Variants in PCDH15 observed in about 807,000 individuals in gnomAD.
The protein encoded by PCDH15 is protocadherin-15.
Under a neutral mutation model 178.5 loss-of-function variants are expected in PCDH15, and 129 were observed. The observed-to-expected ratio is 0.72, with a 90% CI of 0.63 to 0.84. The LOEUF (loss-of-function observed/expected upper bound fraction) is 0.84. PCDH15 is among the 40% of genes least tolerant of loss of function. The pLI is 0.00. For missense variants in PCDH15, 2,230 were observed against 2,099.9 expected (o/e 1.06, Z -1.21); for synonymous variants, 800 against 732.0 (o/e 1.09, Z -1.50).
At chr10:55,557,155 T>C (rs535848199) in intron 2 of PCDH15, among the ~76,000 whole-genome samples, 1 of 152,254 alleles carries the variant, frequency 6.6e-6, no homozygotes, top group South Asian at 2.1e-4. Flanking sequence ...TCTGCAATAT[T>C]TAGCACTAAA....
intron 2 of PCDH15, among the ~76,000 whole-genome samples, chr10:55,040,197 A>C (rs2131975963): frequency 6.6e-6 from 1 of 152,290 alleles, no homozygotes; most frequent in South Asian, 2.1e-4. Flanking sequence ...TTGTGCTCTT[A>C]AAAGCCAATA....
chr10:55,121,734 T>G (rs1264851337), intron 2 of PCDH15, among the ~76,000 whole-genome samples: 1 of 152,056 alleles, frequency 6.6e-6, no homozygotes, highest in Non-Finnish European at 1.5e-5. Context: ...CTTTTACCCT[T>G]CTGTCCTTTT....
intron 2 of PCDH15, among the ~76,000 whole-genome samples, chr10:54,967,928 T>G (rs571121417): frequency 2.6e-5 from 4 of 152,136 alleles, no homozygotes; most frequent in African/African-American, 4.8e-5. Context: ...AGTGTCCTCA[T>G]AGAACACAAC....
At chr10:53,997,123 C>T (rs1315812365) in intron 20 of PCDH15, among the ~76,000 whole-genome samples, 2 of 152,072 alleles carry the variant, frequency 1.3e-5, no homozygotes, top group East Asian at 1.9e-4. Flanking sequence ...AATAGGAGAA[C>T]TTGAACTGTA....
intron 7 of PCDH15, among the ~76,000 whole-genome samples, chr10:54,321,530 C>T (rs1432577070): frequency 6.6e-6 from 1 of 151,682 alleles, no homozygotes; most frequent in Non-Finnish European, 1.5e-5. Context: ...AATATTTCTA[C>T]CCTTCCATGT....
intron 3 of PCDH15, among the ~76,000 whole-genome samples, chr10:54,848,428 G>A (rs1011343551): frequency 2.0e-5 from 3 of 150,054 alleles, no homozygotes; most frequent in East Asian, 2.0e-4. Flanking sequence ...CAGTTATTAC[G>A]GGCATAGAAC....
chr10:53,853,315 C>T (rs901556056), intron 28 of PCDH15, among the ~76,000 whole-genome samples: 1 of 151,682 alleles, frequency 6.6e-6, no homozygotes, highest in African/African-American at 2.4e-5. Flanking sequence ...CCATAAAATG[C>T]CTAGAATAAA....
intron 13 of PCDH15, among the ~76,000 whole-genome samples, chr10:54,180,564 G>A (rs1424647306): frequency 6.6e-6 from 1 of 152,150 alleles, no homozygotes; most frequent in Non-Finnish European, 1.5e-5. Context: ...TGTATCCTGT[G>A]TCAGGTCAAT....
chr10:54,998,510 GA>G (rs1839707316), intron 2 of PCDH15, among the ~76,000 whole-genome samples: 1 of 151,860 alleles, frequency 6.6e-6, no homozygotes, highest in Non-Finnish European at 1.5e-5. Context: ...AAAAAAAATT[GA>G]AAATGTTTAG....
intron 2 of PCDH15, among the ~76,000 whole-genome samples, chr10:55,425,258 T>A (rs2132050156): frequency 6.6e-6 from 1 of 152,118 alleles, no homozygotes; most frequent in South Asian, 2.1e-4. Flanking sequence ...TCAGTCTAAG[T>A]ATTGTTTGTA....
At chr10:54,000,518 G>A (rs113697476) in intron 20 of PCDH15, among the ~76,000 whole-genome samples, 3,442 of 152,060 alleles carry the variant, frequency 0.023, 92 homozygotes, top group African/African-American at 0.063. Flanking sequence ...AGAAATTCTG[G>A]AGTTGAAAAA....
intron 2 of PCDH15, among the ~76,000 whole-genome samples, chr10:54,618,209 T>G (rs893776653): frequency 6.6e-6 from 1 of 152,122 alleles, no homozygotes; most frequent in Non-Finnish European, 1.5e-5. Flanking sequence ...GAGGTTCAAA[T>G]GCACCTATTA....
intron 3 of PCDH15, among the ~76,000 whole-genome samples, chr10:54,877,936 CTCTTTTTTTTTTTTTTTTTTTTTTTT>C (rs772779418): frequency 1.9e-5 from 2 of 104,348 alleles, no homozygotes; most frequent in East Asian, 2.7e-4. Flanking sequence ...CTCTCTCTCT[CTCTTTTTTTTTTTTTTTTTTTTTTTT>C]TTTTTTTTTT....
chr10:55,064,373 C>T (rs1193123480), intron 2 of PCDH15, among the ~76,000 whole-genome samples: 2 of 152,096 alleles, frequency 1.3e-5, no homozygotes, highest in Non-Finnish European at 2.9e-5. Context: ...GCAAAGTCTG[C>T]TGCTACCTTT....
chr10:55,452,427 C>T (rs1839456072), intron 2 of PCDH15, among the ~76,000 whole-genome samples: 1 of 152,088 alleles, frequency 6.6e-6, no homozygotes, highest in Admixed American at 6.6e-5. Flanking sequence ...CTGAATTCAC[C>T]TAGGAAGGTT....
chr10:54,994,236 C>T (rs1839579899), intron 2 of PCDH15, among the ~76,000 whole-genome samples: 1 of 152,108 alleles, frequency 6.6e-6, no homozygotes, highest in South Asian at 2.1e-4. Context: ...TAATTAATGA[C>T]TCTCTGTCAT....
At chr10:54,667,242 G>C (rs1205703315) in intron 1 of PCDH15, among the ~76,000 whole-genome samples, 4 of 151,534 alleles carry the variant, frequency 2.6e-5, no homozygotes. Context: ...CACTTCAATG[G>C]GCTCAATATT....
At chr10:54,765,623 C>G (rs1314135658) in intron 1 of PCDH15, among the ~76,000 whole-genome samples, 1 of 152,058 alleles carries the variant, frequency 6.6e-6, no homozygotes, top group African/African-American at 2.4e-5. Flanking sequence ...GTGAAAAATA[C>G]CTAATGACCT....
At chr10:54,333,603 G>A (rs79893401) in intron 6 of PCDH15, among the ~76,000 whole-genome samples, 1 of 148,880 alleles carries the variant, frequency 6.7e-6, no homozygotes, top group African/African-American at 2.5e-5. Context: ...GAAAAAAGTA[G>A]ATTTTTTAAT....
Sources: gnomAD v4.1 joint callset for allele counts (sites outside exome capture counted in the v4.1 genomes callset) on GRCh38, gnomAD v4.1.1 for gene constraint, MANE v1.5 for transcripts, NCBI Gene and HGNC (gene_info 2026-07-23, HGNC 2026-07-21) for gene names.